The following MICAL2 variants were observed in gnomAD, a reference collection of about 807,000 sequenced individuals.
MICAL2 encodes microtubule associated monooxygenase, calponin and LIM domain containing 2, also known as [F-actin]-monooxygenase MICAL2.
A neutral mutation model predicts 127.3 loss-of-function variants in MICAL2; 77 were observed. That is an observed-to-expected ratio of 0.60 (90% CI 0.50 to 0.73). MICAL2 has a LOEUF of 0.73. Ranked by LOEUF, MICAL2 falls within the 30% of genes least tolerant of loss-of-function variation. MICAL2 has a pLI of 0.00. For missense variants in MICAL2, 1,351 were observed against 1,434.4 expected (o/e 0.94, Z 0.94); for synonymous variants, 570 against 551.1 (o/e 1.03, Z -0.48).
chr11:12,237,113 TAATA>T (rs1859193418), intron 16 of MICAL2, among the ~76,000 whole-genome samples: 1 of 152,192 alleles, frequency 6.6e-6, no homozygotes, highest in South Asian at 2.1e-4. Flanking sequence ...GTGAGCTTTA[TAATA>T]AATAGAGTCA....
At chr11:12,127,686 AC>A (rs1851058414) in intron 1 of MICAL2, among the ~76,000 whole-genome samples, 3 of 152,120 alleles carry the variant, frequency 2.0e-5, no homozygotes, top group Admixed American at 2.0e-4. Flanking sequence ...ATCCTCTTCG[AC>A]CTGTTGGGGG....
Position 12,147,215 on chromosome 11 carries a change from T to TAA in MICAL2, c.-78+8762_-78+8763dup, listed in dbSNP as rs58538643. On this transcript the variant is annotated intron_variant, in intron 2 of 27. Coordinates refer to ENST00000683283, the MANE Select transcript of MICAL2 (RefSeq NM_001282663.2). ...CCTAGCACTTAAAGTATAATAATAA[T>TAA]AAAAAAAAGAAAGCAAAAGAAAAAA... Among the ~76,000 whole-genome samples, 117 of 151,584 alleles carry TAA rather than the reference T, an allele frequency of 7.7e-4. 1 individual carries two copies. In the East Asian group the frequency reaches 0.018, roughly 23 times the overall value.
chr11:12,187,084 G>C (rs1481539731), intron 3 of MICAL2, among the ~76,000 whole-genome samples: 2 of 152,214 alleles, frequency 1.3e-5, no homozygotes, highest in African/African-American at 4.8e-5. Context: ...CTCTGATCCT[G>C]TGTCCCCTCT....
Position 12,213,244 on chromosome 11 carries a change from T to A in MICAL2, c.692-11T>A. On this transcript the variant is annotated splice_polypyrimidine_tract_variant and intron_variant, in intron 6 of 27. Coordinates refer to ENST00000683283, the MANE Select transcript of MICAL2 (RefSeq NM_001282663.2). ...GAAGATAGACCCACTTTTTCATTTC[T>A]CCTCATGCAGGGTTCAGAAGAAAAG... 1 of 1,585,666 alleles carries A rather than the reference T, an allele frequency of 6.3e-7. No homozygotes were observed. The highest frequency in any genetic ancestry group is 8.6e-7 in the Non-Finnish European group (1 of 1,164,480).
intron 1 of MICAL2, among the ~76,000 whole-genome samples, chr11:12,126,447 G>A (rs1036192704): frequency 6.6e-6 from 1 of 152,154 alleles, no homozygotes; most frequent in African/African-American, 2.4e-5. Flanking sequence ...CCCATGGTGA[G>A]GTTTGCAGGT....
At chr11:12,229,524 C>T (rs189948300) in intron 15 of MICAL2, among the ~76,000 whole-genome samples, 4 of 152,340 alleles carry the variant, frequency 2.6e-5, no homozygotes, top group East Asian at 3.9e-4. Flanking sequence ...GGAAGCTCTC[C>T]GAGACAGACA....
chr11:12,312,995 T>C (rs1456731772), intron 29 of MICAL2, among the ~76,000 whole-genome samples: 3 of 151,374 alleles, frequency 2.0e-5, no homozygotes, highest in Admixed American at 2.0e-4. Context: ...TGAAACCCCG[T>C]CTCTACTAAA....
chr11:12,143,226 G>A (rs1167803958), intron 2 of MICAL2, among the ~76,000 whole-genome samples: 13 of 152,188 alleles, frequency 8.5e-5, no homozygotes, highest in Non-Finnish European at 7.3e-5. Context: ...GAAACTGGGT[G>A]GAGGTGTGAA....
chr11:12,199,873 TC>T, intron 3 of MICAL2, among the ~76,000 whole-genome samples: 1 of 152,272 alleles, frequency 6.6e-6, no homozygotes, highest in Middle Eastern at 3.4e-3. Context: ...TCTGCCCTGC[TC>T]CCCACTGGGT....
chr11:12,125,486 C>A (rs1238240081), intron 1 of MICAL2, among the ~76,000 whole-genome samples: 3 of 152,180 alleles, frequency 2.0e-5, no homozygotes, highest in Non-Finnish European at 2.9e-5. Flanking sequence ...GATCTCCTGA[C>A]CTCGTGATCT....
intron 30 of MICAL2, chr11:12,323,921 G>A: frequency 1.9e-6 from 3 of 1,555,508 alleles, no homozygotes; most frequent in Middle Eastern, 1.8e-4. Flanking sequence ...ACGATATTTT[G>A]TAAATTTCAA....
chr11:12,226,565 C>A (rs1268820141), intron 14 of MICAL2, among the ~76,000 whole-genome samples, 195 bp downstream of exon 14: 2 of 151,530 alleles, frequency 1.3e-5, no homozygotes, highest in Admixed American at 6.6e-5. Flanking sequence ...CCATTTACAT[C>A]TTGAGTTTGG....
intron 32 of MICAL2, among the ~76,000 whole-genome samples, chr11:12,338,954 A>G (rs1367440189): frequency 2.6e-5 from 4 of 152,050 alleles, no homozygotes; most frequent in Non-Finnish European, 4.4e-5. Flanking sequence ...CTTCTCGAGG[A>G]GTATCTTTGC....
chr11:12,230,417 C>T (rs1006435336), intron 15 of MICAL2, among the ~76,000 whole-genome samples: 2 of 152,154 alleles, frequency 1.3e-5, no homozygotes, highest in African/African-American at 2.4e-5. Flanking sequence ...TGCTCATCAG[C>T]CCTTCTGGAG....
rs754061618 is a variant in MICAL2, at chr11:12,255,626, C to G, written c.2848-17C>G. 1.2e-6 allele frequency: 2 copies of G among 1,612,014 alleles called. No individual in the cohort carries two copies. Among genetic ancestry groups the G allele is most frequent in the Non-Finnish European group, 1.7e-6 (2 of 1,178,306 alleles). On this transcript the variant is annotated splice_polypyrimidine_tract_variant and intron_variant, in intron 22 of 27. Transcript: ENST00000683283. ...TCTACCTTTGTCTCTGTCTCCTCTGCCTCTGCTCTTGGTTAGCTGACGGTA... is the reference window on the plus strand; with the variant it reads ...TCTACCTTTGTCTCTGTCTCCTCTGGCTCTGCTCTTGGTTAGCTGACGGTA...
chr11:12,239,760 T>C (rs1050265148), intron 17 of MICAL2, among the ~76,000 whole-genome samples, 175 bp downstream of exon 17: 3 of 152,238 alleles, frequency 2.0e-5, no homozygotes, highest in African/African-American at 7.2e-5. Flanking sequence ...AGCAGTTTTT[T>C]AGTGCTTTGG....
At chr11:12,324,169 A>G in intron 31 of MICAL2, 1 of 1,369,576 alleles carries the variant, frequency 7.3e-7, no homozygotes, top group South Asian at 1.5e-5. Context: ...TATTAGGGAA[A>G]GCAGGCTGGA....
intron 24 of MICAL2, among the ~76,000 whole-genome samples, chr11:12,269,710 A>G (rs1183098293): frequency 6.6e-6 from 1 of 152,210 alleles, no homozygotes; most frequent in Non-Finnish European, 1.5e-5. Flanking sequence ...CAAAGCTTGC[A>G]TCTTCCTCAG....
At chr11:12,231,651 T>TA (rs1168624012) in intron 15 of MICAL2, among the ~76,000 whole-genome samples, 10 of 152,270 alleles carry the variant, frequency 6.6e-5, no homozygotes, top group African/African-American at 1.7e-4. Flanking sequence ...TAGTGGGACT[T>TA]ACGAACTTCC....
Sources: gnomAD v4.1 joint callset for allele counts (sites outside exome capture counted in the v4.1 genomes callset) on GRCh38, gnomAD v4.1.1 for gene constraint, MANE v1.5 for transcripts, NCBI Gene and HGNC (gene_info 2026-07-23, HGNC 2026-07-21) for gene names.